PCDH17: variants seen among roughly 807,000 people sequenced by gnomAD.
PCDH17 encodes protocadherin 17.
PCDH17 carries 21 observed loss-of-function variants against 67.7 expected under a neutral mutation model. The observed-to-expected ratio is 0.31, with a 90% CI of 0.22 to 0.45. PCDH17 has a LOEUF of 0.45. Among genes scored for constraint, PCDH17 ranks in the 20% least tolerant of loss-of-function variants. The probability of loss-of-function intolerance (pLI) is 1.00; values close to 1 mark genes in which losing one functional copy is unlikely to be tolerated. For synonymous variants in PCDH17, 701 were observed against 656.7 expected (o/e 1.07, Z -1.03); for missense variants, 1,471 against 1,564.8 (o/e 0.94, Z 1.01).
rs764263504 is a variant in PCDH17 at position 57,632,617 on chromosome 13, C to G, written c.71C>G (p.Ser24Cys). 2.5e-6 allele frequency: 4 copies of G among 1,613,812 alleles called. No homozygotes were observed. In the South Asian group the frequency reaches 4.4e-5, roughly 18 times the overall value. Residue 24 changes from serine (S) to cysteine (C), a missense_variant, in exon 1 of 4, where the codon TCC (serine) becomes TGC (cysteine). Physicochemically the swap from Ser to Cys is moderately radical, Grantham distance 112. Coordinates refer to ENST00000377918, the MANE Select transcript of PCDH17 (RefSeq NM_001040429.3). ...PALTLKNLNY[S>C]VPEEQGAGTV... ...CTCACTCTCAAGAACCTCAACTACT[C>G]CGTGCCGGAGGAGCAAGGGGCCGGC...
At chr13:57,666,899 C>A in intron 3 of PCDH17, 66 bp downstream of exon 3, 1 of 1,271,336 alleles carries the variant, frequency 7.9e-7, no homozygotes, top group Non-Finnish European at 1.1e-6. Context: ...CCTATTAGAT[C>A]TAGAGTTGCA....
At chr13:57,684,447 C>A (rs1158814759) in intron 3 of PCDH17, among the ~76,000 whole-genome samples, 3 of 151,806 alleles carry the variant, frequency 2.0e-5, no homozygotes, top group African/African-American at 7.2e-5. Flanking sequence ...ATTAACTTCT[C>A]AAATGTACTC....
Position 57,633,617 on chromosome 13 carries a change from C to T in PCDH17, c.1071C>T (p.Arg357=). ...CGTCCATCGGTTTCGTCTCCGTGCG[C>T]CAGGGGGCGCTGAGCGAGGCCGCCC... ...NAPSIGFVSV[R]QGALSEAAPP... is the part of the protein sequence containing the mutation. The change falls in exon 1 of 4, where the codon CGC becomes CGT. Residue 357 remains arginine, a synonymous_variant. Transcript: ENST00000377918. This position sits in a 1 kb window ranked among gnomAD's most constrained non-coding sequence, Gnocchi z 6.2. 6.2e-7 allele frequency: 1 copy of T among 1,611,516 alleles called. No homozygotes were observed.
At chr13:57,641,839 G>A (rs1039432201) in intron 1 of PCDH17, among the ~76,000 whole-genome samples, 1 of 150,932 alleles carries the variant, frequency 6.6e-6, no homozygotes, top group Non-Finnish European at 1.5e-5. Context: ...ACGGGAAAAC[G>A]AATCATAACA....
chr13:57,721,492 A>G (rs186227612), intron 3 of PCDH17, among the ~76,000 whole-genome samples: 272 of 152,206 alleles, frequency 1.8e-3, no homozygotes, highest in African/African-American at 5.9e-3. Context: ...TACAGAGAGC[A>G]GTTTGATCAT....
At chr13:57,670,531 A>T (rs1955307432) in intron 3 of PCDH17, among the ~76,000 whole-genome samples, 1 of 150,346 alleles carries the variant, frequency 6.7e-6, no homozygotes, top group Non-Finnish European at 1.5e-5. Flanking sequence ...ATTCAGTAGC[A>T]TATTATATTT....
intron 3 of PCDH17, among the ~76,000 whole-genome samples, chr13:57,677,624 C>T (rs1316036077): frequency 3.3e-5 from 5 of 151,792 alleles, no homozygotes; most frequent in Non-Finnish European, 7.4e-5. Flanking sequence ...GCTACATAGT[C>T]ACAGTGGCCG....
At chr13:57,664,707 C>G (rs997162668) in intron 1 of PCDH17, among the ~76,000 whole-genome samples, 2 of 152,102 alleles carry the variant, frequency 1.3e-5, no homozygotes, top group Admixed American at 6.5e-5. Flanking sequence ...TTATTTTTAG[C>G]TTTCAACTGA....
chr13:57,635,991 A>T (rs1384536928), intron 1 of PCDH17, among the ~76,000 whole-genome samples: 1 of 152,206 alleles, frequency 6.6e-6, no homozygotes, highest in Non-Finnish European at 1.5e-5. Flanking sequence ...TTCATGATGC[A>T]TTTAGTTTGC....
intron 3 of PCDH17, among the ~76,000 whole-genome samples, chr13:57,708,906 A>G (rs1313741492): frequency 6.6e-6 from 1 of 151,924 alleles, no homozygotes; most frequent in East Asian, 1.9e-4. Context: ...TGCAGAACAA[A>G]ATATTCTTTT....
intron 3 of PCDH17, among the ~76,000 whole-genome samples, chr13:57,672,217 C>T (rs1181775985): frequency 6.6e-6 from 1 of 151,866 alleles, no homozygotes; most frequent in Admixed American, 6.6e-5. Context: ...TTTTTTCCTT[C>T]CTAGAACATT....
At chr13:57,674,622 C>T (rs1955367193) in intron 3 of PCDH17, among the ~76,000 whole-genome samples, 1 of 151,890 alleles carries the variant, frequency 6.6e-6, no homozygotes, top group African/African-American at 2.4e-5. Context: ...CCACTGTGCC[C>T]ACCTTTTTTA....
At chr13:57,685,162 G>A (rs1487700683) in intron 3 of PCDH17, among the ~76,000 whole-genome samples, 1 of 151,878 alleles carries the variant, frequency 6.6e-6, no homozygotes, top group Non-Finnish European at 1.5e-5. Flanking sequence ...TAATTAGTAT[G>A]TTATCTATAA....
intron 3 of PCDH17, among the ~76,000 whole-genome samples, chr13:57,722,126 A>C (rs1459568473): frequency 6.6e-6 from 1 of 152,178 alleles, no homozygotes; most frequent in African/African-American, 2.4e-5. Context: ...GAGTTAAGTA[A>C]AATGCTGCAG....
intron 3 of PCDH17, among the ~76,000 whole-genome samples, chr13:57,682,828 G>A (rs1264720103): frequency 1.3e-5 from 2 of 151,726 alleles, no homozygotes; most frequent in Non-Finnish European, 2.9e-5. Context: ...ATCTTGATCC[G>A]GTAAATGACA....
rs566696731 is a variant in PCDH17 at position 57,700,411 on chromosome 13, C to T, written c.2798-24201C>T. Among the ~76,000 whole-genome samples, 19 of 151,664 alleles carry T rather than the reference C, an allele frequency of 1.3e-4. No individual in the cohort carries two copies. In the South Asian group the frequency reaches 3.3e-3, roughly 27 times the overall value. On this transcript the variant is annotated intron_variant, in intron 3 of 3. Coordinates refer to ENST00000377918, the MANE Select transcript of PCDH17 (RefSeq NM_001040429.3). ...TTGGCTCACTGCAACCACTGCCTCC[C>T]GGCTACAAGCGATTCTCCTGCCTCA...
At chr13:57,672,356 T>C (rs1955333063) in intron 3 of PCDH17, among the ~76,000 whole-genome samples, 1 of 152,012 alleles carries the variant, frequency 6.6e-6, no homozygotes, top group African/African-American at 2.4e-5. Context: ...GTATTTGTTA[T>C]GTAATTTCGC....
At chr13:57,667,937 T>G (rs1955275319) in intron 3 of PCDH17, among the ~76,000 whole-genome samples, 1 of 149,382 alleles carries the variant, frequency 6.7e-6, no homozygotes, top group Non-Finnish European at 1.5e-5. Flanking sequence ...AAATATATAT[T>G]AATATTTTTG....
intron 3 of PCDH17, among the ~76,000 whole-genome samples, chr13:57,669,874 C>G (rs964468383): frequency 6.6e-6 from 1 of 151,812 alleles, no homozygotes; most frequent in Admixed American, 6.6e-5. Context: ...AAGTAAAAAC[C>G]AGTTAATGTG....
Sources: gnomAD v4.1 joint callset for allele counts (sites outside exome capture counted in the v4.1 genomes callset) on GRCh38, gnomAD v4.1.1 for gene constraint, Gnocchi (gnomAD v3.1) non-coding constraint, MANE v1.5 for transcripts, NCBI Gene and HGNC (gene_info 2026-07-23, HGNC 2026-07-21) for gene names.